AEBP2: variants seen among roughly 807,000 people sequenced by gnomAD.
The protein encoded by AEBP2 is zinc finger protein AEBP2.
In AEBP2, 10 loss-of-function variants were observed where a neutral mutation model predicts 50.8. The ratio of observed to expected loss-of-function variants is 0.20; its 90% CI spans 0.12 to 0.33. The LOEUF is 0.33. Ranked by LOEUF, AEBP2 falls within the 10% of genes least tolerant of loss-of-function variation. AEBP2 has a pLI of 1.00. For missense variants in AEBP2, 570 were observed against 688.0 expected, an observed-to-expected ratio of 0.83 and a Z score of 1.92; for synonymous variants, 296 against 261.3, an observed-to-expected ratio of 1.13 and a Z score of -1.28.
At chr12:19,506,290 G>C (rs781119290) in intron 5 of AEBP2, among the ~76,000 whole-genome samples, 2 of 151,852 alleles carry the variant, frequency 1.3e-5, no homozygotes, top group Non-Finnish European at 2.9e-5. Flanking sequence ...AGTAGAGATG[G>C]GATTTCGCCA....
At chr12:19,489,621 A>G (rs747971915) in intron 3 of AEBP2, among the ~76,000 whole-genome samples, 1 of 152,210 alleles carries the variant, frequency 6.6e-6, no homozygotes, top group Non-Finnish European at 1.5e-5. Context: ...GAGTGAAAAT[A>G]TAAAACATAT....
At chr12:19,465,482 A>G (rs756060857) in intron 2 of AEBP2, among the ~76,000 whole-genome samples, 15 of 152,200 alleles carry the variant, frequency 9.9e-5, no homozygotes, top group Non-Finnish European at 1.8e-4. Flanking sequence ...TTGCTAAACT[A>G]TAAATGTAAA....
chr12:19,498,310 G>A (rs906353726), intron 4 of AEBP2, among the ~76,000 whole-genome samples: 1 of 152,110 alleles, frequency 6.6e-6, no homozygotes, highest in African/African-American at 2.4e-5. Context: ...CCCTGGAAAT[G>A]TCAAGTACTT....
At chr12:19,440,568 A>G (rs2153366041) in intron 1 of AEBP2, 198 bp downstream of exon 1, 1 of 1,405,978 alleles carries the variant, frequency 7.1e-7, no homozygotes, top group Admixed American at 2.8e-5. Flanking sequence ...CAACTCTCAA[A>G]CCGTTCCCCC....
At position 19,413,997 on chromosome 12, in the gene AEBP2, G is replaced by A. The variant is rs138367215; in HGVS notation, c.-17+9781G>A. 1.5e-3 allele frequency among the ~76,000 whole-genome samples: 221 copies of A among 151,946 alleles called. 2 individuals are homozygous for A. The highest frequency in any genetic ancestry group is 4.7e-3 in the African/African-American group (196 of 41,440). On this transcript the variant is annotated intron_variant, in intron 1 of 3. Transcript: ENST00000538425. ...CAACCTCTGCTGCCTAGGTCCAAGC[G>A]ATTCTCCTGCCTTAACCTCCCGAGT...
At chr12:19,464,533 A>G (rs574023165) in intron 2 of AEBP2, among the ~76,000 whole-genome samples, 4 of 152,126 alleles carry the variant, frequency 2.6e-5, no homozygotes, top group Non-Finnish European at 5.9e-5. Context: ...ATTTGTAGAA[A>G]AAATGCAGTT....
intron 1 of AEBP2, among the ~76,000 whole-genome samples, chr12:19,444,162 TTAA>T (rs1948016808): frequency 1.3e-5 from 2 of 152,152 alleles, no homozygotes; most frequent in Non-Finnish European, 2.9e-5. Context: ...TAAAAAAAAT[TTAA>T]AAAATTTTAA....
chr12:19,458,624 C>T (rs1040321663), intron 1 of AEBP2, among the ~76,000 whole-genome samples: 3 of 152,098 alleles, frequency 2.0e-5, no homozygotes, highest in African/African-American at 7.2e-5. Flanking sequence ...GGTTCCTTTT[C>T]TTTGGCAAAG....
chr12:19,512,281 A>G, intron 5 of AEBP2, 117 bp from the exon 6 acceptor site: 1 of 604,864 alleles, frequency 1.7e-6, no homozygotes. Flanking sequence ...TGGCCTCCCA[A>G]AGTGCTGGGA....
At chr12:19,514,850 T>C in intron 7 of AEBP2, 66 bp downstream of exon 7, 1 of 1,236,958 alleles carries the variant, frequency 8.1e-7, no homozygotes, top group Non-Finnish European at 1.1e-6. Context: ...AAATTTTGGA[T>C]AAATTAGGAC....
intron 1 of AEBP2, among the ~76,000 whole-genome samples, chr12:19,460,647 C>T (rs1335476537): frequency 6.6e-6 from 1 of 150,856 alleles, no homozygotes; most frequent in Non-Finnish European, 1.5e-5. Context: ...CCACCACGCC[C>T]GGCCTGAAAG....
intron 1 of AEBP2, chr12:19,413,055 T>C (rs2095740320): frequency 2.0e-6 from 1 of 509,604 alleles, no homozygotes; most frequent in East Asian, 3.8e-5. Flanking sequence ...CTGGCGGGCC[T>C]GGATCCAAGC....
chr12:19,404,115 C>G (rs968108178), exon 1 of AEBP2: 2 of 152,214 alleles, frequency 1.3e-5, no homozygotes, highest in African/African-American at 4.8e-5. Context: ...GGAGATCGTC[C>G]CCAGTCAAGG....
chr12:19,404,371 C>T (rs978061445), intron 1 of AEBP2, among the ~76,000 whole-genome samples: 8 of 152,194 alleles, frequency 5.3e-5, no homozygotes, highest in African/African-American at 1.7e-4. Flanking sequence ...CCTGGGTTGC[C>T]CAGCTCTTTT....
At chr12:19,489,300 CTCT>C (rs1193384578) in intron 3 of AEBP2, among the ~76,000 whole-genome samples, 1 of 152,226 alleles carries the variant, frequency 6.6e-6, no homozygotes, top group Non-Finnish European at 1.5e-5. Flanking sequence ...GAAGCAGTAT[CTCT>C]TCTTCACAAG....
chr12:19,433,672 C>G (rs924588515), intron 1 of AEBP2, among the ~76,000 whole-genome samples: 1 of 151,086 alleles, frequency 6.6e-6, no homozygotes, highest in Non-Finnish European at 1.5e-5. Context: ...CCCAGCTACT[C>G]GGGAGGCTGA....
At chr12:19,503,716 A>T (rs1405401646) in intron 5 of AEBP2, among the ~76,000 whole-genome samples, 1 of 151,034 alleles carries the variant, frequency 6.6e-6, no homozygotes, top group African/African-American at 2.4e-5. Flanking sequence ...TAGAGACAGG[A>T]TCTTGCTGTG....
chr12:19,484,952 A>G (rs955278266), intron 3 of AEBP2, among the ~76,000 whole-genome samples: 1 of 152,182 alleles, frequency 6.6e-6, no homozygotes, highest in Non-Finnish European at 1.5e-5. Context: ...TGTGACTGCG[A>G]ACTGCTTTTT....
chr12:19,438,437 T>A (rs1042466057), upstream of AEBP2, among the ~76,000 whole-genome samples: 2 of 152,326 alleles, frequency 1.3e-5, no homozygotes, highest in African/African-American at 4.8e-5. Flanking sequence ...AATTGAAAAC[T>A]TGGAATAGAA....
Sources: allele counts gnomAD v4.1 joint callset (sites outside exome capture counted in the v4.1 genomes callset), GRCh38; gene constraint gnomAD v4.1.1; transcripts MANE v1.5; gene names NCBI Gene and HGNC (gene_info 2026-07-23, HGNC 2026-07-21).